Variants in DPYD observed in about 807,000 individuals in gnomAD.
The protein encoded by DPYD is dihydropyrimidine dehydrogenase [NADP(+)].
Under a neutral mutation model 116.2 loss-of-function variants are expected in DPYD, and 109 were observed. The observed-to-expected ratio is 0.94, with a 90% CI of 0.80 to 1.10. The LOEUF (loss-of-function observed/expected upper bound fraction) is 1.10, where lower values mean the gene tolerates loss of function less well. Among genes scored for constraint, DPYD ranks in the 50% least tolerant of loss-of-function variants. The pLI, the probability that DPYD is intolerant of heterozygous loss-of-function variation, is 0.00. For synonymous variants in DPYD, 440 were observed against 432.0 expected (o/e 1.02, Z -0.23); for missense variants, 1,302 against 1,254.5 (o/e 1.04, Z -0.57).
In DPYD at chr1:97,360,137, A is replaced by C. The variant is rs184499819; in HGVS notation, c.2058+13424T>G. Among the ~76,000 whole-genome samples, 99 of 152,296 alleles carry C rather than the reference A, an allele frequency of 6.5e-4. 1 individual carries two copies. The highest frequency in any genetic ancestry group is 5.0e-3 in the Admixed American group (76 of 15,296). On this transcript the variant is annotated intron_variant, in intron 16 of 22. Coordinates refer to ENST00000370192, the MANE Select transcript of DPYD (RefSeq NM_000110.4). ...CTACCAAGCAAATGGAAAGCAAAAAAAAAGCAGAGGTTGCAATAATAGTAC... is the reference window on the plus strand; with the variant it reads ...CTACCAAGCAAATGGAAAGCAAAAACAAAGCAGAGGTTGCAATAATAGTAC...
intron 13 of DPYD, among the ~76,000 whole-genome samples, chr1:97,467,607 ACTCT>A (rs1458511051): frequency 6.6e-6 from 1 of 151,746 alleles, no homozygotes; most frequent in African/African-American, 2.4e-5. Context: ...TAAATGCTTC[ACTCT>A]CTCTCGCTGC....
intron 8 of DPYD, among the ~76,000 whole-genome samples, chr1:97,675,787 T>C (rs563706170): frequency 6.6e-6 from 1 of 151,338 alleles, no homozygotes; most frequent in South Asian, 2.1e-4. Context: ...TCTTGCTCTG[T>C]CAGGAGGCTG....
intron 8 of DPYD, among the ~76,000 whole-genome samples, chr1:97,605,864 T>C (rs1421390881): frequency 6.6e-6 from 1 of 151,984 alleles, no homozygotes; most frequent in Non-Finnish European, 1.5e-5. Context: ...TGCATACCTT[T>C]CTTGATATTT....
rs536105118 is a variant in DPYD, at chr1:97,168,533, G to A, written c.2622+24536C>T. Among the ~76,000 whole-genome samples, 7 of 152,244 alleles carry A rather than the reference G, an allele frequency of 4.6e-5. No individual in the cohort carries two copies. In the South Asian group the frequency reaches 1.5e-3, roughly 32 times the overall value. Reference sequence around the variant, plus strand: ...GGTGAAAATTGTTATCCATTGCCTGGAAACATATTAAAAGAGGACAGTATG... The same window carrying A: ...GGTGAAAATTGTTATCCATTGCCTGAAAACATATTAAAAGAGGACAGTATG... On this transcript the variant is annotated intron_variant, in intron 20 of 22. Coordinates refer to ENST00000370192, the MANE Select transcript of DPYD (RefSeq NM_000110.4).
At chr1:97,677,309 T>A (rs1044918772) in intron 8 of DPYD, among the ~76,000 whole-genome samples, 72 of 152,194 alleles carry the variant, frequency 4.7e-4, no homozygotes, top group Admixed American at 1.4e-3. Flanking sequence ...AATAATTGTA[T>A]TAGTATATAC....
intron 3 of DPYD, among the ~76,000 whole-genome samples, chr1:97,802,387 AGAC>A (rs1667887107): frequency 6.6e-6 from 1 of 151,942 alleles, no homozygotes; most frequent in Admixed American, 6.6e-5. Flanking sequence ...CCACATTTGC[AGAC>A]TGTATAATGC....
chr1:97,299,572 T>C (rs1176859379), intron 18 of DPYD, among the ~76,000 whole-genome samples: 1 of 152,172 alleles, frequency 6.6e-6, no homozygotes, highest in African/African-American at 2.4e-5. Context: ...CCTTGATCTA[T>C]GCTTTAAACC....
chr1:97,177,831 C>T (rs1657395477), intron 20 of DPYD, among the ~76,000 whole-genome samples: 1 of 152,088 alleles, frequency 6.6e-6, no homozygotes, highest in African/African-American at 2.4e-5. Flanking sequence ...TTATAAACAA[C>T]ATACATTTAT....
intron 4 of DPYD, among the ~76,000 whole-genome samples, chr1:97,735,394 C>T (rs979045599): frequency 2.0e-5 from 3 of 151,538 alleles, no homozygotes; most frequent in Non-Finnish European, 4.4e-5. Flanking sequence ...AAATAAAAGG[C>T]GGCCAGGTGC....
intron 11 of DPYD, among the ~76,000 whole-genome samples, chr1:97,556,678 C>T (rs1319026816): frequency 1.3e-5 from 2 of 150,876 alleles, no homozygotes; most frequent in Non-Finnish European, 3.0e-5. Context: ...CTACAAAAGA[C>T]ATGAACTCAT....
chr1:97,431,170 T>C (rs1352762348), intron 14 of DPYD, among the ~76,000 whole-genome samples: 3 of 152,106 alleles, frequency 2.0e-5, no homozygotes, highest in Admixed American at 6.6e-5. Flanking sequence ...AGAGAAAAAA[T>C]GTTTTGTGAG....
intron 12 of DPYD, among the ~76,000 whole-genome samples, chr1:97,525,766 G>GAGAGAGAGAGAGAGAGAGAGAA (rs1553189204): frequency 4.8e-5 from 7 of 147,060 alleles, no homozygotes; most frequent in African/African-American, 1.6e-4. Context: ...ATTAGAGAGA[G>GAGAGAGAGAGAGAGAGAGAGAA]AGAGAGAGAG....
intron 16 of DPYD, among the ~76,000 whole-genome samples, chr1:97,336,270 C>G (rs58054780): frequency 6.6e-6 from 1 of 152,040 alleles, no homozygotes; most frequent in Non-Finnish European, 1.5e-5. Flanking sequence ...CAGGTAAATG[C>G]AGTATCAATG....
intron 5 of DPYD, among the ~76,000 whole-genome samples, chr1:97,717,226 A>G (rs561330807): frequency 6.6e-6 from 1 of 152,266 alleles, no homozygotes; most frequent in African/African-American, 2.4e-5. Context: ...TACTGCAAAT[A>G]GTATATGCTG....
rs188618972 is a variant in DPYD at position 97,871,739 on chromosome 1, T to C, written c.150+11525A>G. Among the ~76,000 whole-genome samples the C allele has an allele frequency of 4.2e-3, 643 of 151,914 alleles. 5 individuals are homozygous for C. Among genetic ancestry groups the C allele is most frequent in the Non-Finnish European group, 5.5e-3 (372 of 67,894 alleles). On this transcript the variant is annotated intron_variant, in intron 2 of 22. Coordinates refer to ENST00000370192, the MANE Select transcript of DPYD (RefSeq NM_000110.4). ...AAATTTCTGGGCAATAGAGGAAATATTCTGTCTTCCATTACCATCCTCAGT... is the reference window on the plus strand; with the variant it reads ...AAATTTCTGGGCAATAGAGGAAATACTCTGTCTTCCATTACCATCCTCAGT...
intron 5 of DPYD, among the ~76,000 whole-genome samples, chr1:97,707,798 A>G (rs562919359): frequency 6.6e-6 from 1 of 151,994 alleles, no homozygotes; most frequent in East Asian, 1.9e-4. Context: ...CCATCTGTAT[A>G]TCTTTCTTGG....
chr1:97,898,566 T>A (rs1051608466), intron 1 of DPYD, among the ~76,000 whole-genome samples: 1 of 151,860 alleles, frequency 6.6e-6, no homozygotes, highest in Non-Finnish European at 1.5e-5. Flanking sequence ...GTTTCATATA[T>A]TTTGTTTCTT....
chr1:97,845,994 C>T (rs1452513914), intron 2 of DPYD, among the ~76,000 whole-genome samples: 1 of 152,232 alleles, frequency 6.6e-6, no homozygotes, highest in Non-Finnish European at 1.5e-5. Flanking sequence ...GGGTGGACCC[C>T]ACACTCACTC....
At chr1:97,569,102 AG>A (rs1652723873) in intron 11 of DPYD, among the ~76,000 whole-genome samples, 1 of 152,066 alleles carries the variant, frequency 6.6e-6, no homozygotes, top group African/African-American at 2.4e-5. Context: ...CAGATCTCCT[AG>A]GAATGTGAGG....
Sources: gnomAD v4.1 joint callset for allele counts (sites outside exome capture counted in the v4.1 genomes callset) on GRCh38, gnomAD v4.1.1 for gene constraint, MANE v1.5 for transcripts, NCBI Gene and HGNC (gene_info 2026-07-23, HGNC 2026-07-21) for gene names.